Variants in ROBO2 observed in about 807,000 individuals in gnomAD.
ROBO2 encodes the protein roundabout guidance receptor 2, also known as roundabout homolog 2.
In ROBO2, 53 loss-of-function variants were observed where a neutral mutation model predicts 160.8. The observed-to-expected ratio is 0.33, with a 90% CI of 0.26 to 0.41. The LOEUF (loss-of-function observed/expected upper bound fraction) is 0.41. ROBO2 is among the 10% of genes least tolerant of loss of function. The probability of loss-of-function intolerance (pLI) is 1.00; values close to 1 mark genes in which losing one functional copy is unlikely to be tolerated. For synonymous variants in ROBO2, 664 were observed against 611.7 expected (o/e 1.09, Z -1.26); for missense variants, 1,577 against 1,722.4 (o/e 0.92, Z 1.49).
chr3:77,392,013 A>G (rs1463679991), intron 2 of ROBO2, among the ~76,000 whole-genome samples: 3 of 152,206 alleles, frequency 2.0e-5, no homozygotes, highest in Non-Finnish European at 4.4e-5. Context: ...TCTGTGGAAG[A>G]AACTGCATTG....
chr3:76,844,508 A>G (rs533991734), intron 2 of ROBO2, among the ~76,000 whole-genome samples: 1 of 152,100 alleles, frequency 6.6e-6, no homozygotes, highest in East Asian at 1.9e-4. Flanking sequence ...AAAAATGCTT[A>G]AATTATCTAT....
intron 2 of ROBO2, among the ~76,000 whole-genome samples, chr3:77,013,750 G>A (rs1291285187): frequency 6.6e-6 from 1 of 152,202 alleles, no homozygotes; most frequent in Non-Finnish European, 1.5e-5. Context: ...TTGTGATTGA[G>A]GAGGTGTAGT....
At chr3:76,851,732 A>G (rs1255303051) in intron 2 of ROBO2, among the ~76,000 whole-genome samples, 3 of 109,284 alleles carry the variant, frequency 2.7e-5, no homozygotes, top group Non-Finnish European at 5.2e-5. Flanking sequence ...ACAGAGCGAG[A>G]CTCCGTCTCA....
chr3:75,993,027 A>G (rs915300241), intron 2 of ROBO2, among the ~76,000 whole-genome samples: 5 of 152,126 alleles, frequency 3.3e-5, no homozygotes, highest in Admixed American at 1.3e-4. Flanking sequence ...TGATTTTACA[A>G]CCTCATAGGA....
chr3:76,162,644 T>C (rs1157112940), intron 2 of ROBO2, among the ~76,000 whole-genome samples: 3 of 152,134 alleles, frequency 2.0e-5, no homozygotes, highest in African/African-American at 7.2e-5. Flanking sequence ...TTCCTCATTG[T>C]AGAAATATAG....
rs115538629 is a variant in ROBO2 at position 76,533,208 on chromosome 3, G to T, written c.110-564806G>T. The stretch of plus-strand genomic sequence containing the variant: ...CACAAAATTTAGGCATGGGTCTAGA[G>T]AAATACCAGCATGTTAGGATGTGAG... On this transcript the variant is annotated intron_variant, in intron 2 of 26. Coordinates refer to the ROBO2 transcript ENST00000487694. Among the ~76,000 whole-genome samples, 401 of 152,318 alleles carry T rather than the reference G, an allele frequency of 2.6e-3. 1 individual carries two copies. Among genetic ancestry groups the T allele is most frequent in the African/African-American group, 9.2e-3 (382 of 41,572 alleles).
chr3:77,488,840 T>G (rs981231438), intron 4 of ROBO2, among the ~76,000 whole-genome samples: 3 of 152,206 alleles, frequency 2.0e-5, no homozygotes, highest in Non-Finnish European at 4.4e-5. Context: ...GTCTTCATAT[T>G]TATGTTTCTG....
At position 76,702,948 on chromosome 3, in the gene ROBO2, T is replaced by C. The variant is rs144375770; in HGVS notation, c.110-395066T>C. On this transcript the variant is annotated intron_variant, in intron 2 of 26. Transcript: ENST00000487694. ...TTCCTATGCTTCTAGAAAATACACT[T>C]AATCTTTTAGGCAGTTAACAGAACA... 3.6e-3 allele frequency among the ~76,000 whole-genome samples: 545 copies of C among 152,210 alleles called. 2 individuals carry two copies. The highest frequency in any genetic ancestry group is 0.012 in the African/African-American group (511 of 41,552).
chr3:77,154,877 A>G (rs963426776), intron 2 of ROBO2, among the ~76,000 whole-genome samples: 4 of 151,826 alleles, frequency 2.6e-5, no homozygotes, highest in Non-Finnish European at 4.4e-5. Context: ...TGGGGGAGAG[A>G]AAGAGTCAGG....
intron 2 of ROBO2, among the ~76,000 whole-genome samples, chr3:77,028,148 C>T (rs1034334109): frequency 2.0e-5 from 3 of 152,064 alleles, no homozygotes; most frequent in Non-Finnish European, 2.9e-5. Flanking sequence ...AAATCCCCTT[C>T]TTCAGCAACT....
chr3:77,138,727 G>T (rs2076472727), intron 2 of ROBO2, among the ~76,000 whole-genome samples: 2 of 152,136 alleles, frequency 1.3e-5, no homozygotes, highest in African/African-American at 2.4e-5. Flanking sequence ...GATATGAAAA[G>T]ACTTGGAATG....
intron 11 of ROBO2, among the ~76,000 whole-genome samples, chr3:77,563,960 A>G (rs112692973): frequency 0.029 from 4,384 of 152,166 alleles, 220 homozygotes; most frequent in African/African-American, 0.099. Context: ...TGTCCTATGA[A>G]AATTTGATAA....
intron 2 of ROBO2, among the ~76,000 whole-genome samples, chr3:76,876,232 A>C (rs2072702910): frequency 6.6e-6 from 1 of 152,228 alleles, no homozygotes; most frequent in Non-Finnish European, 1.5e-5. Flanking sequence ...TTCAAGTATT[A>C]ACTCATCAAA....
At chr3:77,517,561 C>T (rs1380369602) in intron 5 of ROBO2, among the ~76,000 whole-genome samples, 2 of 151,590 alleles carry the variant, frequency 1.3e-5, no homozygotes, top group Admixed American at 6.6e-5. Context: ...TACTGAAGCT[C>T]TTAATTCCCT....
At chr3:76,222,615 A>G (rs557671487) in intron 2 of ROBO2, among the ~76,000 whole-genome samples, 1 of 152,246 alleles carries the variant, frequency 6.6e-6, no homozygotes, top group East Asian at 1.9e-4. Context: ...CCATCTGACC[A>G]TCACCTGATG....
chr3:76,439,885 T>C (rs139788440), intron 2 of ROBO2, among the ~76,000 whole-genome samples: 5 of 152,248 alleles, frequency 3.3e-5, no homozygotes, highest in African/African-American at 7.2e-5. Flanking sequence ...GTTCATCACA[T>C]TGGTAGCCCC....
intron 2 of ROBO2, among the ~76,000 whole-genome samples, chr3:76,361,255 A>G (rs1425144761): frequency 6.6e-6 from 1 of 152,082 alleles, no homozygotes; most frequent in Admixed American, 6.6e-5. Flanking sequence ...GGCTTGAGCA[A>G]CACTTCTTGT....
chr3:77,377,728 C>A (rs1379496835), intron 2 of ROBO2, among the ~76,000 whole-genome samples: 1 of 152,178 alleles, frequency 6.6e-6, no homozygotes, highest in African/African-American at 2.4e-5. Context: ...AGTTAGATAT[C>A]TGATTTAGTT....
intron 20 of ROBO2, among the ~76,000 whole-genome samples, chr3:77,605,276 T>A (rs1225398390): frequency 6.6e-6 from 1 of 151,756 alleles, no homozygotes; most frequent in East Asian, 1.9e-4. Flanking sequence ...TAAAAGATAA[T>A]ATAAGAAATT....
Sources: gnomAD v4.1 joint callset for allele counts (sites outside exome capture counted in the v4.1 genomes callset) on GRCh38, gnomAD v4.1.1 for gene constraint, MANE v1.5 for transcripts, NCBI Gene and HGNC (gene_info 2026-07-23, HGNC 2026-07-21) for gene names.